Variants in ADARB2 observed in about 807,000 individuals in gnomAD.
ADARB2 encodes the protein inactive double-stranded RNA-specific editase B2.
A neutral mutation model predicts 62.2 loss-of-function variants in ADARB2; 25 were observed. The ratio of observed to expected loss-of-function variants is 0.40; its 90% CI spans 0.29 to 0.56. The LOEUF is 0.56. ADARB2 is among the 20% of genes least tolerant of loss of function. ADARB2 has a pLI of 0.43. For missense variants in ADARB2, 1,071 were observed against 1,077.4 expected, an observed-to-expected ratio of 0.99 and a Z score of 0.08; for synonymous variants, 572 against 500.8, an observed-to-expected ratio of 1.14 and a Z score of -1.90.
At chr10:1,698,308 T>C (rs1834774312) in intron 1 of ADARB2, among the ~76,000 whole-genome samples, 1 of 152,138 alleles carries the variant, frequency 6.6e-6, no homozygotes, top group Non-Finnish European at 1.5e-5. Context: ...TTGCCACCCG[T>C]GGAATGAGGA....
At chr10:1,336,802 T>G (rs2131836516) in intron 3 of ADARB2, among the ~76,000 whole-genome samples, 1 of 152,256 alleles carries the variant, frequency 6.6e-6, no homozygotes, top group African/African-American at 2.4e-5. Context: ...ATTGAAAGAA[T>G]TGCTTGCAGG....
intron 1 of ADARB2, among the ~76,000 whole-genome samples, chr10:1,559,317 G>C (rs1046503085): frequency 2.4e-4 from 36 of 152,206 alleles, no homozygotes; most frequent in African/African-American, 8.7e-4. Context: ...GGCTCTTGGA[G>C]CTGTCCCCGA....
At chr10:1,652,080 A>C (rs571352428) in intron 1 of ADARB2, among the ~76,000 whole-genome samples, 1 of 152,194 alleles carries the variant, frequency 6.6e-6, no homozygotes, top group African/African-American at 2.4e-5. Context: ...GTATTCCAGT[A>C]ATTTGGGTGA....
In ADARB2 at chr10:1,720,039, C is replaced by T. The variant is rs118112886; in HGVS notation, c.100+17012G>A. The stretch of plus-strand genomic sequence containing the variant: ...TTCCTGGGGGTATACCCACCCCCCA[C>T]CAAATAAATTGTTCTGCTTAAAAGA... On this transcript the variant is annotated intron_variant, in intron 1 of 9. Coordinates refer to ENST00000381312, the MANE Select transcript of ADARB2 (RefSeq NM_018702.4). Among the ~76,000 whole-genome samples, 67 of 152,316 alleles carry T rather than the reference C, an allele frequency of 4.4e-4. 1 individual carries two copies. The highest frequency in any genetic ancestry group is 6.3e-4 in the Non-Finnish European group (43 of 68,032).
chr10:1,283,107 G>A lies in ADARB2; in HGVS notation c.1078-12038C>T, dbSNP rs574210369. Among the ~76,000 whole-genome samples the A allele has an allele frequency of 3.9e-5, 6 of 152,238 alleles. No homozygotes were observed. In the South Asian group the frequency reaches 1.2e-3, roughly 32 times the overall value. ...GTCAAATGCCAGCTCCTTTATAAAG[G>A]CTTCCCAGCATGGGAACCCTTGGTG... On this transcript the variant is annotated intron_variant, in intron 3 of 9. Coordinates refer to ENST00000381312, the MANE Select transcript of ADARB2 (RefSeq NM_018702.4).
At position 1,703,532 on chromosome 10, in the gene ADARB2, C is replaced by T. The variant is rs141107344; in HGVS notation, c.100+33519G>A. ...AGGGGAGAGTTGATGGTGCAGGAGA[C>T]GATGCAAGAACTGGAAAGTGAGGTA... On this transcript the variant is annotated intron_variant, in intron 1 of 9. Coordinates refer to ENST00000381312, the MANE Select transcript of ADARB2 (RefSeq NM_018702.4). 2.8e-3 allele frequency among the ~76,000 whole-genome samples: 427 copies of T among 152,116 alleles called. 1 individual carries two copies. The highest frequency in any genetic ancestry group is 3.4e-3 in the Non-Finnish European group (233 of 67,994).
In ADARB2 at chr10:1,363,330, G is replaced by A. The variant is rs1180210627; in HGVS notation, c.775C>T (p.Arg259Cys). Residue 259 changes from arginine to cysteine, a missense_variant, in exon 3 of 10, where the codon CGC becomes TGC. Arg to Cys is a radical substitution (Grantham distance 180, BLOSUM62 -3). Coordinates refer to ENST00000381312, the MANE Select transcript of ADARB2 (RefSeq NM_018702.4). ...AAYGRRRLLC[R>C]ALDLVGPTPA... Reference sequence around the variant, plus strand: ...GTCGGGCCCACCAGGTCCAGCGCGCGGCACAGCAGCCGCCGTCGCCCGTAG... The same window carrying A: ...GTCGGGCCCACCAGGTCCAGCGCGCAGCACAGCAGCCGCCGTCGCCCGTAG... 9 of 1,239,234 alleles carry A rather than the reference G, an allele frequency of 7.3e-6. No homozygotes were observed. The highest frequency in any genetic ancestry group is 4.4e-5 in the Admixed American group (1 of 22,936). The allele number at this position is 1,239,234 out of a possible 1,614,324, so 76.8% of individuals were successfully genotyped here.
intron 1 of ADARB2, among the ~76,000 whole-genome samples, chr10:1,552,686 A>G (rs1236445738): frequency 1.3e-5 from 2 of 151,642 alleles, no homozygotes; most frequent in Middle Eastern, 3.2e-3. Context: ...CAGTCAATCA[A>G]CACATCTATT....
At chr10:1,730,557 CT>C (rs1286433462) in intron 1 of ADARB2, among the ~76,000 whole-genome samples, 1 of 152,206 alleles carries the variant, frequency 6.6e-6, no homozygotes, top group Non-Finnish European at 1.5e-5. Context: ...GCTGAAAAAA[CT>C]TTCAAAAATT....
chr10:1,256,341 C>T (rs1831079136), intron 4 of ADARB2, among the ~76,000 whole-genome samples: 1 of 152,240 alleles, frequency 6.6e-6, no homozygotes. Flanking sequence ...ATGTCCTCCT[C>T]CTGCCCTGAT....
At chr10:1,585,188 A>G (rs1833157733) in intron 1 of ADARB2, among the ~76,000 whole-genome samples, 1 of 152,076 alleles carries the variant, frequency 6.6e-6, no homozygotes, top group Non-Finnish European at 1.5e-5. Flanking sequence ...CAGTGCGGAC[A>G]GTGGGGGAGG....
chr10:1,190,260 G>T (rs1384181734), intron 8 of ADARB2, among the ~76,000 whole-genome samples: 3 of 152,048 alleles, frequency 2.0e-5, no homozygotes, highest in Non-Finnish European at 4.4e-5. Context: ...TTGCACAGGG[G>T]TCCCACGCTT....
chr10:1,520,493 G>A (rs558154797), intron 1 of ADARB2, among the ~76,000 whole-genome samples: 163 of 152,206 alleles, frequency 1.1e-3, no homozygotes, highest in Non-Finnish European at 1.9e-3. Context: ...CTAAACTTAG[G>A]GAAGAAAGAA....
chr10:1,687,335 C>T (rs192764807), intron 1 of ADARB2, among the ~76,000 whole-genome samples: 160 of 150,416 alleles, frequency 1.1e-3, no homozygotes, highest in African/African-American at 3.8e-3. Context: ...CGTGACATTT[C>T]TGTCACAGGG....
At chr10:1,379,561 C>G (rs1007342775) in intron 1 of ADARB2, among the ~76,000 whole-genome samples, 2 of 152,202 alleles carry the variant, frequency 1.3e-5, no homozygotes, top group Non-Finnish European at 2.9e-5. Flanking sequence ...GAGAATGGTG[C>G]CAATAAAGCC....
intron 7 of ADARB2, among the ~76,000 whole-genome samples, chr10:1,213,956 G>T (rs2131751776): frequency 6.7e-6 from 1 of 149,608 alleles, no homozygotes; most frequent in Middle Eastern, 3.5e-3. Context: ...GCGTGGGTTT[G>T]CACGTGTCCA....
chr10:1,414,025 C>T (rs1026430554), intron 1 of ADARB2, among the ~76,000 whole-genome samples: 3 of 152,178 alleles, frequency 2.0e-5, no homozygotes, highest in African/African-American at 7.2e-5. Flanking sequence ...ATTCGTTCTT[C>T]AGACGCTGTT....
rs1011295604 is a variant in ADARB2 at position 1,182,420 on chromosome 10, G to T, written c.*773C>A. On this transcript the variant is annotated 3_prime_UTR_variant, in exon 10 of 10. Coordinates refer to ENST00000381312, the MANE Select transcript of ADARB2 (RefSeq NM_018702.4). ...CAGACTCCCCACATCTGCAGCACGC[G>T]TGGGCCGGGTGTTTCCAGGCTCCCC... is the stretch of plus-strand genomic sequence containing the variant. 6.6e-6 allele frequency: 1 copy of T among 151,234 alleles called. No individual in the cohort carries two copies. Among genetic ancestry groups the T allele is most frequent in the Non-Finnish European group, 1.5e-5 (1 of 68,448 alleles). 9.4% of individuals were successfully genotyped at this position (151,234 alleles called of 1,614,324 possible). A position where few individuals can be genotyped will look rare whatever the true frequency, so the allele number is the denominator to read the frequency against.
chr10:1,216,644 G>A (rs973610476), intron 7 of ADARB2: 2 of 416,740 alleles, frequency 4.8e-6, no homozygotes, highest in Admixed American at 4.1e-5. Flanking sequence ...GCAGCCTCAG[G>A]CCAGGCTGTG....
Sources: gnomAD v4.1 joint callset for allele counts (sites outside exome capture counted in the v4.1 genomes callset) on GRCh38, gnomAD v4.1.1 for gene constraint, MANE v1.5 for transcripts, NCBI Gene and HGNC (gene_info 2026-07-23, HGNC 2026-07-21) for gene names.